Variants in MTG2 observed in about 807,000 individuals in gnomAD.
MTG2 encodes the protein mitochondrial ribosome-associated GTPase 2.
MTG2 carries 23 observed loss-of-function variants against 28.6 expected under a neutral mutation model. That is an observed-to-expected ratio of 0.80 (90% CI 0.58 to 1.14). MTG2 has a LOEUF of 1.14. Ranked by LOEUF, MTG2 falls within the 50% of genes most tolerant of loss-of-function variation. MTG2 has a pLI of 0.00. For missense variants in MTG2, 539 were observed against 552.0 expected, an observed-to-expected ratio of 0.98 and a Z score of 0.24; for synonymous variants, 260 against 251.8, an observed-to-expected ratio of 1.03 and a Z score of -0.31.
intron 1 of MTG2, among the ~76,000 whole-genome samples, chr20:62,186,528 G>GT (rs56818308): frequency 0.04 from 5,034 of 126,590 alleles, 332 homozygotes; most frequent in African/African-American, 0.1. Context: ...TTTTTTTTTT[G>GT]TTTTTTTTTT....
rs2058109212 is a variant in MTG2, at chr20:62,198,871, A to C, written c.687+19A>C. The C allele has an allele frequency of 1.2e-6, 2 of 1,613,442 alleles. No homozygotes were observed. The highest frequency in any genetic ancestry group is 1.7e-6 in the Non-Finnish European group (2 of 1,179,674). On this transcript the variant is annotated intron_variant, in intron 5 of 6. Transcript: ENST00000370823. ...CGGAATGGTAGGTGTCCCCACTGCC[A>C]ACAGCATCTGCACACACTCAGCTCT...
rs527496290 is a variant in MTG2, at chr20:62,201,387, C to T, written c.*310C>T. On this transcript the variant is annotated 3_prime_UTR_variant, in exon 7 of 7. Coordinates refer to ENST00000370823, the MANE Select transcript of MTG2 (RefSeq NM_015666.4). ...TAACGGGGTGGCCCTGCCGCTGACT[C>T]AGGTCTCCGCCATGCACGCGTGGAC... The T allele has an allele frequency of 2.0e-3, 783 of 401,230 alleles. 6 individuals carry two copies. The highest frequency in any genetic ancestry group is 2.9e-3 in the Non-Finnish European group (644 of 219,498). 24.9% of individuals were successfully genotyped at this position (401,230 alleles called of 1,614,324 possible). A position where few individuals can be genotyped will look rare whatever the true frequency, so the allele number is the denominator to read the frequency against.
chr20:62,197,977 G>C lies in MTG2; in HGVS notation c.468+10G>C, dbSNP rs1159808832. 1.9e-6 allele frequency: 3 copies of C among 1,609,920 alleles called. No individual in the cohort carries two copies. The South Asian group carries it at 3.3e-5, about 18-fold the overall frequency. On this transcript the variant is annotated intron_variant, in intron 4 of 6. Coordinates refer to ENST00000370823, the MANE Select transcript of MTG2 (RefSeq NM_015666.4). ...CGTCCTCTACATCCGGGTGAGCCGAGACTGCCGGACCTGGCCCTGTCCCCG... is the reference window on the plus strand; with the variant it reads ...CGTCCTCTACATCCGGGTGAGCCGACACTGCCGGACCTGGCCCTGTCCCCG...
chr20:62,193,313 G>C, intron 1 of MTG2, 103 bp from the exon 2 acceptor site: 1 of 1,162,708 alleles, frequency 8.6e-7, no homozygotes. Flanking sequence ...GTTTGTTTCA[G>C]AAACGTGCAC....
rs761149185 is a variant in MTG2 at position 62,198,647 on chromosome 20, C to T, written c.482C>T (p.Thr161Met). 41 of 1,613,682 alleles carry T rather than the reference C, an allele frequency of 2.5e-5. No homozygotes were observed. The highest frequency in any genetic ancestry group is 3.3e-5 in the South Asian group (3 of 91,070). The change falls in exon 5 of 7, where the codon ACG becomes ATG. Residue 161 changes from threonine (T) to methionine (M), a missense_variant. Coordinates refer to ENST00000370823, the MANE Select transcript of MTG2 (RefSeq NM_015666.4). The part of the protein sequence containing the change: ...AVLYIRVPVG[T>M]LVKEGGRVVA... ...GCTGTTCCCCAGGTCCCCGTGGGCA[C>T]GCTGGTGAAGGAGGGAGGCAGAGTT...
intron 2 of MTG2, among the ~76,000 whole-genome samples, chr20:62,194,625 A>T (rs948165190): frequency 4.6e-5 from 7 of 151,342 alleles, no homozygotes; most frequent in African/African-American, 1.2e-4. Flanking sequence ...TAAAAATTTT[A>T]AATGTTTTAA....
intron 1 of MTG2, among the ~76,000 whole-genome samples, chr20:62,186,581 T>C (rs1006403550): frequency 1.4e-5 from 2 of 141,292 alleles, no homozygotes; most frequent in Non-Finnish European, 3.0e-5. Context: ...CAGGCTGGAG[T>C]GCGGTAACGT....
At chr20:62,194,706 G>A (rs2058027970) in intron 2 of MTG2, among the ~76,000 whole-genome samples, 1 of 152,210 alleles carries the variant, frequency 6.6e-6, no homozygotes, top group Non-Finnish European at 1.5e-5. Flanking sequence ...CAGCAGCCCT[G>A]GGTGGCTGTC....
At chr20:62,197,270 G>C (rs2058077225) in intron 3 of MTG2, 1 of 151,562 alleles carries the variant, frequency 6.6e-6, no homozygotes, top group Admixed American at 6.6e-5. Flanking sequence ...GGTGGCAGAT[G>C]CCTGTAATCC....
Position 62,193,352 on chromosome 20 carries a change from T to G in MTG2, c.-5-64T>G, listed in dbSNP as rs1176676633. ...GACCTGCTGCATGAGGCCCTCGTCT[T>G]CAGTTTCTGTTTCATGCCCAGCATT... is the stretch of plus-strand genomic sequence containing the variant. On this transcript the variant is annotated intron_variant, in intron 1 of 6. Transcript: ENST00000370823. 2.7e-6 allele frequency: 4 copies of G among 1,503,242 alleles called. No individual in the cohort carries two copies. The Admixed American group carries it at 6.8e-5, about 26-fold the overall frequency. The allele number at this position is 1,503,242 out of a possible 1,614,324, so 93.1% of individuals were successfully genotyped here.
intron 1 of MTG2, among the ~76,000 whole-genome samples, chr20:62,184,083 G>A (rs952163889): frequency 6.6e-6 from 1 of 152,260 alleles, no homozygotes; most frequent in African/African-American, 2.4e-5. Context: ...TTTCCGCTGG[G>A]CGCGGTGGCT....
At chr20:62,188,670 T>G (rs543770732) in intron 1 of MTG2, 9 of 152,120 alleles carry the variant, frequency 5.9e-5, no homozygotes, top group Non-Finnish European at 1.0e-4. Context: ...ATACTTCAAG[T>G]AATCTCTAGA....
At chr20:62,192,468 C>T (rs1242101494) in intron 1 of MTG2, among the ~76,000 whole-genome samples, 1 of 152,208 alleles carries the variant, frequency 6.6e-6, no homozygotes, top group African/African-American at 2.4e-5. Context: ...AAACTGAAAG[C>T]TTTCCAGAGC....
At chr20:62,185,323 A>C (rs2057818645) in intron 1 of MTG2, among the ~76,000 whole-genome samples, 1 of 152,134 alleles carries the variant, frequency 6.6e-6, no homozygotes, top group South Asian at 2.1e-4. Context: ...GAGGCAGGAG[A>C]ATCCCTTGAA....
At chr20:62,188,316 T>C (rs1251412111) in intron 1 of MTG2, among the ~76,000 whole-genome samples, 5 of 152,054 alleles carry the variant, frequency 3.3e-5, no homozygotes, top group Non-Finnish European at 2.9e-5. Context: ...ATTCCGAGAA[T>C]AGACCCTGTG....
rs779788368 is a variant in MTG2 at position 62,193,484 on chromosome 20, G to T, written c.64G>T (p.Ala22Ser). The part of the protein sequence containing the change: ...RTVFQGVGHW[A>S]LSTWAGLKPS... ...CGTGTTTCAGGGCGTGGGGCATTGG[G>T]CTTTGTCCACATGGGCTGGCCTGAA... is the stretch of plus-strand genomic sequence containing the variant. Residue 22 changes from alanine to serine, a missense_variant, in exon 2 of 7, where the codon GCT becomes TCT. Transcript: ENST00000370823. 1.9e-6 allele frequency: 3 copies of T among 1,614,220 alleles called. No homozygotes were observed. Among genetic ancestry groups the T allele is most frequent in the Non-Finnish European group, 1.7e-6 (2 of 1,180,042 alleles).
At position 62,202,747 on chromosome 20, in the gene MTG2, C is replaced by T. The variant is rs1194874441; in HGVS notation, c.*1670C>T. ...CAGCCTGAGCGACAGAGCAAGACTC[C>T]ATCTCAAAAAAAAAAAAAAAGTGGA... On this transcript the variant is annotated 3_prime_UTR_variant, in exon 7 of 7. Transcript: ENST00000370823. 1 of 147,452 alleles carries T rather than the reference C, an allele frequency of 6.8e-6. No individual in the cohort carries two copies. The highest frequency in any genetic ancestry group is 1.5e-5 in the Non-Finnish European group (1 of 67,182). The allele number at this position is 147,452 out of a possible 1,614,324, so 9.1% of individuals were successfully genotyped here. A position where few individuals can be genotyped will look rare whatever the true frequency, so the allele number is the denominator to read the frequency against.
chr20:62,198,538 T>G (rs1179754704), intron 4 of MTG2, 96 bp from the exon 5 acceptor site: 1 of 1,337,118 alleles, frequency 7.5e-7, no homozygotes, highest in African/African-American at 1.4e-5. Context: ...AGTCCGCTCT[T>G]GTCTTCTTTC....
chr20:62,200,618 G>A (rs979947723), intron 6 of MTG2, 65 bp from the exon 7 acceptor site: 6 of 1,508,170 alleles, frequency 4.0e-6, no homozygotes, highest in Non-Finnish European at 5.3e-6. Context: ...GGCTCGAGGT[G>A]GAAGGCGCTC....
Sources: allele counts gnomAD v4.1 joint callset (sites outside exome capture counted in the v4.1 genomes callset), GRCh38; gene constraint gnomAD v4.1.1; transcripts MANE v1.5; gene names NCBI Gene and HGNC (gene_info 2026-07-23, HGNC 2026-07-21).